Variants in USP13 observed in about 807,000 individuals in gnomAD.
USP13 encodes the protein ubiquitin specific peptidase 13.
Under a neutral mutation model 107.8 loss-of-function variants are expected in USP13, and 68 were observed. The ratio of observed to expected loss-of-function variants is 0.63; its 90% CI spans 0.52 to 0.77. The LOEUF (loss-of-function observed/expected upper bound fraction) is 0.77, where lower values mean the gene tolerates loss of function less well. Among genes scored for constraint, USP13 ranks in the 30% least tolerant of loss-of-function variants. USP13 has a pLI of 0.00. For synonymous variants in USP13, 377 were observed against 389.5 expected (o/e 0.97, Z 0.38); for missense variants, 945 against 1,093.3 (o/e 0.86, Z 1.91).
chr3:179,676,691 G>T (rs1711502671), intron 1 of USP13, among the ~76,000 whole-genome samples: 1 of 152,166 alleles, frequency 6.6e-6, no homozygotes, highest in Admixed American at 6.5e-5. Flanking sequence ...TGGATTATTA[G>T]ACTGGGGTGT....
At chr3:179,769,701 G>A (rs914816904) in intron 19 of USP13, among the ~76,000 whole-genome samples, 4 of 152,136 alleles carry the variant, frequency 2.6e-5, no homozygotes, top group African/African-American at 4.8e-5. Flanking sequence ...GAGCCACTGC[G>A]CCTGGCCAAA....
intron 3 of USP13, among the ~76,000 whole-genome samples, chr3:179,699,769 T>C (rs2108473277): frequency 6.7e-6 from 1 of 150,214 alleles, no homozygotes; most frequent in African/African-American, 2.4e-5. Context: ...ATTTATTTAT[T>C]TATTTATTTA....
chr3:179,723,997 T>TA (rs398040150), intron 8 of USP13, among the ~76,000 whole-genome samples: 3,668 of 140,752 alleles, frequency 0.026, 63 homozygotes, highest in Non-Finnish European at 0.039. Context: ...TACAAAAATT[T>TA]AAAAAAAAAA....
In USP13 at chr3:179,756,978, C is replaced by T. The variant is rs1027304532; in HGVS notation, c.1922-74C>T. 3.3e-6 allele frequency: 5 copies of T among 1,535,052 alleles called. No individual in the cohort carries two copies. The Admixed American group carries it at 5.1e-5, about 16-fold the overall frequency. ...GGAGGGCATTGGAAATGCCCTGGAT[C>T]AATGGGTTTTCTTTTTTCTAAAACT... On this transcript the variant is annotated intron_variant, in intron 15 of 20. Coordinates refer to ENST00000263966, the MANE Select transcript of USP13 (RefSeq NM_003940.3).
Position 179,788,859 on chromosome 3 carries a change from G to A in USP13, c.*4718G>A, listed in dbSNP as rs1286741593. The A allele has an allele frequency of 6.6e-6, 1 of 152,162 alleles. No homozygotes were observed. Among genetic ancestry groups the A allele is most frequent in the Admixed American group, 6.5e-5 (1 of 15,274 alleles). 9.4% of individuals were successfully genotyped at this position (152,162 alleles called of 1,614,324 possible). A position where few individuals can be genotyped will look rare whatever the true frequency, so the allele number is the denominator to read the frequency against. On this transcript the variant is annotated 3_prime_UTR_variant, in exon 21 of 21. Transcript: ENST00000263966. ...ACAAATATTTTTGCTGGAGTCAGGA[G>A]CACTGTGAGGCACAGAACATCTCCC...
chr3:179,781,238 G>C (rs921934940), intron 19 of USP13, among the ~76,000 whole-genome samples: 1 of 152,134 alleles, frequency 6.6e-6, no homozygotes, highest in Non-Finnish European at 1.5e-5. Flanking sequence ...TTCTACAAAT[G>C]ATAACAGTTA....
At chr3:179,766,647 G>A (rs1715187067) in intron 19 of USP13, among the ~76,000 whole-genome samples, 1 of 152,148 alleles carries the variant, frequency 6.6e-6, no homozygotes, top group Non-Finnish European at 1.5e-5. Context: ...CTATGTGCCA[G>A]GCACTGTTCT....
At chr3:179,747,743 C>G (rs956054247) in intron 13 of USP13, among the ~76,000 whole-genome samples, 20 of 152,166 alleles carry the variant, frequency 1.3e-4, no homozygotes. Context: ...AAAGTCACCG[C>G]CCAGTGATTC....
At chr3:179,685,414 C>G (rs1711833904) in intron 2 of USP13, among the ~76,000 whole-genome samples, 1 of 151,982 alleles carries the variant, frequency 6.6e-6, no homozygotes, top group Non-Finnish European at 1.5e-5. Flanking sequence ...AATACAGTCT[C>G]TGTTTAAGTT....
intron 8 of USP13, among the ~76,000 whole-genome samples, chr3:179,723,822 T>G (rs1477366941): frequency 6.6e-6 from 1 of 152,088 alleles, no homozygotes; most frequent in Non-Finnish European, 1.5e-5. Context: ...TCAGTGGAGT[T>G]AGATTCAGGA....
rs1256233120 is a variant in USP13, at chr3:179,707,180, A to G, written c.620+104A>G. The G allele has an allele frequency of 2.9e-6, 4 of 1,380,244 alleles. No individual in the cohort carries two copies. In the African/African-American group the frequency reaches 5.9e-5, roughly 20 times the overall value. 85.5% of individuals were successfully genotyped at this position (1,380,244 alleles called of 1,614,324 possible). On this transcript the variant is annotated intron_variant, in intron 5 of 20. Transcript: ENST00000263966. ...ATAGGAAGTTATATTTTTTCTTACC[A>G]GATGCCTTTTATTAAAAGTAAATAT...
At chr3:179,703,595 A>C (rs1030117708) in intron 4 of USP13, among the ~76,000 whole-genome samples, 5 of 152,178 alleles carry the variant, frequency 3.3e-5, no homozygotes, top group Non-Finnish European at 7.4e-5. Flanking sequence ...CAGGCTCCCT[A>C]GGGAAAAAAA....
At chr3:179,745,995 T>C (rs924056833) in intron 13 of USP13, among the ~76,000 whole-genome samples, 23 of 152,010 alleles carry the variant, frequency 1.5e-4, no homozygotes, top group African/African-American at 5.6e-4. Context: ...AAAAGAGTGC[T>C]TGCAGTGGCA....
At chr3:179,688,753 T>C (rs1008481280) in intron 2 of USP13, among the ~76,000 whole-genome samples, 12 of 152,156 alleles carry the variant, frequency 7.9e-5, no homozygotes, top group African/African-American at 2.7e-4. Context: ...AAGGACACCA[T>C]ACAATTCTGT....
intron 12 of USP13, among the ~76,000 whole-genome samples, chr3:179,744,534 G>C (rs1714328331): frequency 6.6e-6 from 1 of 152,174 alleles, no homozygotes; most frequent in South Asian, 2.1e-4. Context: ...GTGCTGATCA[G>C]AGTTTTAAGT....
chr3:179,679,894 G>C (rs533106532), intron 1 of USP13, among the ~76,000 whole-genome samples: 6 of 143,162 alleles, frequency 4.2e-5, no homozygotes, highest in Admixed American at 1.5e-4. Flanking sequence ...ATATACATAA[G>C]ATGGGCATGG....
At position 179,745,107 on chromosome 3, in the gene USP13, G is replaced by A. The variant is rs772056458; in HGVS notation, c.1599G>A (p.Glu533=). 6.2e-7 allele frequency: 1 copy of A among 1,614,166 alleles called. No homozygotes were observed. Among genetic ancestry groups the A allele is most frequent in the South Asian group, 1.1e-5 (1 of 91,086 alleles). ...AAGCAAACAGAAGACCCCTTCCTGA[G>A]TTGGTACGTGCCAAGATACCATTTA... ...EAEANRRPLP[E]LVRAKIPFSA... Residue 533 remains glutamate, a synonymous_variant, in exon 13 of 21, where the codon GAG becomes GAA. Coordinates refer to ENST00000263966, the MANE Select transcript of USP13 (RefSeq NM_003940.3).
chr3:179,727,967 C>T lies in USP13; in HGVS notation c.1089-2222C>T, dbSNP rs867507434. ...CTCTCGGACGAGGCGGCTGGCTGGGCGGGGGGCTGACCCCCCCACCTCCCT... is the reference window on the plus strand; with the variant it reads ...CTCTCGGACGAGGCGGCTGGCTGGGTGGGGGGCTGACCCCCCCACCTCCCT... On this transcript the variant is annotated intron_variant, in intron 8 of 20. Coordinates refer to ENST00000263966, the MANE Select transcript of USP13 (RefSeq NM_003940.3). Among the ~76,000 whole-genome samples, 8 of 60,856 alleles carry T rather than the reference C, an allele frequency of 1.3e-4. 2 individuals are homozygous for T. Among genetic ancestry groups the T allele is most frequent in the Admixed American group, 3.9e-4 (2 of 5,142 alleles). The allele number at this position is 60,856 out of a possible 152,430, so 39.9% of individuals were successfully genotyped here. A position where few individuals can be genotyped will look rare whatever the true frequency, so the allele number is the denominator to read the frequency against.
intron 10 of USP13, among the ~76,000 whole-genome samples, chr3:179,736,466 T>A (rs1301372908): frequency 6.6e-6 from 1 of 152,212 alleles, no homozygotes; most frequent in Non-Finnish European, 1.5e-5. Flanking sequence ...ATCAAGGCAC[T>A]AAGCTTGAAG....
Sources: gnomAD v4.1 joint callset for allele counts (sites outside exome capture counted in the v4.1 genomes callset) on GRCh38, gnomAD v4.1.1 for gene constraint, MANE v1.5 for transcripts, NCBI Gene and HGNC (gene_info 2026-07-23, HGNC 2026-07-21) for gene names.